SLC8A1: variants seen among roughly 807,000 people sequenced by gnomAD.
SLC8A1 encodes sodium/calcium exchanger 1.
SLC8A1 carries 18 observed loss-of-function variants against 68.3 expected under a neutral mutation model. The observed-to-expected ratio is 0.26, with a 90% CI of 0.18 to 0.39. The LOEUF is 0.39. Ranked by LOEUF, SLC8A1 falls within the 10% of genes least tolerant of loss-of-function variation. The pLI, the probability that SLC8A1 is intolerant of heterozygous loss-of-function variation, is 1.00. For missense variants in SLC8A1, 985 were observed against 1,156.7 expected (o/e 0.85, Z 2.15); for synonymous variants, 475 against 415.5 (o/e 1.14, Z -1.74).
intron 2 of SLC8A1, among the ~76,000 whole-genome samples, chr2:40,409,241 C>A (rs1376960672): frequency 2.0e-5 from 3 of 152,052 alleles, no homozygotes; most frequent in Non-Finnish European, 1.5e-5. Flanking sequence ...CCTGTAAGTT[C>A]CCAATCATAT....
At chr2:40,248,468 A>C (rs1056275576) in intron 2 of SLC8A1, among the ~76,000 whole-genome samples, 1 of 152,156 alleles carries the variant, frequency 6.6e-6, no homozygotes, top group African/African-American at 2.4e-5. Context: ...ATGGCTGTCT[A>C]TGAATCAGGA....
chr2:40,282,600 G>C (rs1004864157), intron 2 of SLC8A1, among the ~76,000 whole-genome samples: 6 of 152,188 alleles, frequency 3.9e-5, no homozygotes, highest in South Asian at 2.1e-4. Flanking sequence ...TAAGTGAGAT[G>C]CATCAGTTTC....
intron 2 of SLC8A1, among the ~76,000 whole-genome samples, chr2:40,365,752 G>A (rs1675959882): frequency 6.6e-6 from 1 of 151,992 alleles, no homozygotes; most frequent in African/African-American, 2.4e-5. Context: ...TATAATCTAA[G>A]CACTTTGGGA....
chr2:40,117,385 A>G (rs1031879708), intron 7 of SLC8A1, among the ~76,000 whole-genome samples: 1 of 98,828 alleles, frequency 1.0e-5, no homozygotes, highest in East Asian at 3.8e-4. Flanking sequence ...TCTATATACT[A>G]AAAATACAAA....
chr2:40,490,522 C>G (rs1705245302), intron 1 of SLC8A1, among the ~76,000 whole-genome samples: 1 of 151,986 alleles, frequency 6.6e-6, no homozygotes, highest in African/African-American at 2.4e-5. Flanking sequence ...TTCGAGGAAA[C>G]AAAAGTGAGT....
intron 2 of SLC8A1, among the ~76,000 whole-genome samples, chr2:40,292,214 C>A (rs898831639): frequency 2.1e-4 from 32 of 152,022 alleles, no homozygotes; most frequent in African/African-American, 7.7e-4. Context: ...AGGGCATTGA[C>A]AAAAGAAAAT....
intron 2 of SLC8A1, among the ~76,000 whole-genome samples, chr2:40,336,370 C>T (rs1665977312): frequency 6.6e-6 from 1 of 152,124 alleles, no homozygotes; most frequent in African/African-American, 2.4e-5. Flanking sequence ...ACAACAAAGG[C>T]CTTGCAGGGG....
intron 1 of SLC8A1, among the ~76,000 whole-genome samples, chr2:40,448,180 T>C (rs1174245524): frequency 1.3e-5 from 2 of 152,168 alleles, no homozygotes; most frequent in East Asian, 3.8e-4. Flanking sequence ...ACCTAGTCAT[T>C]GATTAGGTCT....
At chr2:40,168,501 A>G (rs2046929528) in intron 4 of SLC8A1, among the ~76,000 whole-genome samples, 1 of 152,172 alleles carries the variant, frequency 6.6e-6, no homozygotes, top group Admixed American at 6.5e-5. Flanking sequence ...AGATTCTATT[A>G]TTGCTCTACA....
chr2:40,403,612 T>C (rs141834290), intron 2 of SLC8A1, among the ~76,000 whole-genome samples: 10 of 152,354 alleles, frequency 6.6e-5, no homozygotes, highest in African/African-American at 2.4e-4. Context: ...CCAGGCAGCC[T>C]TGTCAGTAGT....
intron 1 of SLC8A1, among the ~76,000 whole-genome samples, chr2:40,466,101 G>A (rs1703653630): frequency 6.6e-6 from 1 of 152,054 alleles, no homozygotes; most frequent in Non-Finnish European, 1.5e-5. Flanking sequence ...AAGTTACCCA[G>A]TATCAGGTAT....
chr2:40,416,682 C>T (rs1693989292), intron 2 of SLC8A1, among the ~76,000 whole-genome samples: 2 of 152,032 alleles, frequency 1.3e-5, no homozygotes, highest in Admixed American at 1.3e-4. Context: ...GTCTAGGTAG[C>T]GACCAACTAA....
intron 1 of SLC8A1, among the ~76,000 whole-genome samples, chr2:40,501,423 A>G (rs1360730697): frequency 6.6e-6 from 1 of 152,134 alleles, no homozygotes; most frequent in East Asian, 1.9e-4. Context: ...GCTCACTTTA[A>G]AAGACTGACA....
chr2:40,449,356 G>A (rs1288421654), intron 1 of SLC8A1, among the ~76,000 whole-genome samples: 2 of 152,100 alleles, frequency 1.3e-5, no homozygotes, highest in South Asian at 2.1e-4. Flanking sequence ...ATACTAAGAG[G>A]AATCATGTGT....
intron 2 of SLC8A1, among the ~76,000 whole-genome samples, chr2:40,374,035 G>T (rs151137329): frequency 1.3e-5 from 2 of 152,110 alleles, no homozygotes; most frequent in East Asian, 1.9e-4. Flanking sequence ...AACACAGGAC[G>T]CAGTGAGGTA....
intron 6 of SLC8A1, 137 bp downstream of exon 9, chr2:40,160,628 A>T: frequency 1.4e-6 from 1 of 717,408 alleles, no homozygotes; most frequent in Non-Finnish European, 2.5e-6. Flanking sequence ...TGCATACATT[A>T]ACAAATAAAC....
Position 40,189,070 on chromosome 2 carries a change from T to C in SLC8A1, c.1809-11215A>G, listed in dbSNP as rs1364539343. Among the ~76,000 whole-genome samples, 3 of 152,176 alleles carry C rather than the reference T, an allele frequency of 2.0e-5. 1 individual carries two copies. Among genetic ancestry groups the C allele is most frequent in the East Asian group, 3.9e-4 (2 of 5,192 alleles). ...ATATCAAGGGGTAGACTAGTAGAAATCAATACCAGATTTCTTTTTTTAAAT... is the reference window on the plus strand; with the variant it reads ...ATATCAAGGGGTAGACTAGTAGAAACCAATACCAGATTTCTTTTTTTAAAT... On this transcript the variant is annotated intron_variant, in intron 2 of 7. Transcript: ENST00000406785.
chr2:40,390,855 A>G (rs1040235317), intron 2 of SLC8A1, among the ~76,000 whole-genome samples: 1 of 151,868 alleles, frequency 6.6e-6, no homozygotes, highest in African/African-American at 2.4e-5. Context: ...AGATCTGTGT[A>G]CCCAATTTGA....
intron 2 of SLC8A1, among the ~76,000 whole-genome samples, chr2:40,407,099 C>T (rs1161133672): frequency 1.3e-5 from 2 of 152,126 alleles, no homozygotes; most frequent in Non-Finnish European, 2.9e-5. Context: ...GGGAGTCTCA[C>T]TCTGTCATCC....
Sources: allele counts gnomAD v4.1 joint callset (sites outside exome capture counted in the v4.1 genomes callset), GRCh38; gene constraint gnomAD v4.1.1; transcripts MANE v1.5; gene names NCBI Gene and HGNC (gene_info 2026-07-23, HGNC 2026-07-21).